MEGF10: variants seen among roughly 807,000 people sequenced by gnomAD.
MEGF10 encodes the protein multiple EGF like domains 10.
Under a neutral mutation model 147.5 loss-of-function variants are expected in MEGF10, and 86 were observed. The ratio of observed to expected loss-of-function variants is 0.58; its 90% CI spans 0.49 to 0.70. The LOEUF (loss-of-function observed/expected upper bound fraction) is 0.70, where lower values mean the gene tolerates loss of function less well. Ranked by LOEUF, MEGF10 falls within the 30% of genes least tolerant of loss-of-function variation. The probability of loss-of-function intolerance (pLI) is 0.00; values close to 1 mark genes in which losing one functional copy is unlikely to be tolerated. For missense variants in MEGF10, 1,329 were observed against 1,487.3 expected (o/e 0.89, Z 1.75); for synonymous variants, 478 against 525.5 (o/e 0.91, Z 1.24).
At chr5:127,433,885 C>A (rs897518806) in intron 14 of MEGF10, among the ~76,000 whole-genome samples, 2 of 152,184 alleles carry the variant, frequency 1.3e-5, no homozygotes, top group African/African-American at 4.8e-5. Context: ...AATTACCAGA[C>A]GTCAACATCA....
At chr5:127,238,464 T>C in the MEGF10 span, among the ~76,000 whole-genome samples, 1 of 152,206 alleles carries the variant, frequency 6.6e-6, no homozygotes, top group Non-Finnish European at 1.5e-5. Flanking sequence ...CATCATCTCA[T>C]TGACAGCTTG....
At chr5:127,425,111 G>A (rs1346235682) in intron 13 of MEGF10, among the ~76,000 whole-genome samples, 1 of 152,176 alleles carries the variant, frequency 6.6e-6, no homozygotes, top group East Asian at 1.9e-4. Context: ...GAACTATCCT[G>A]TGAAAGGCAC....
At chr5:127,416,337 A>C (rs574749722) in intron 9 of MEGF10, among the ~76,000 whole-genome samples, 1 of 152,100 alleles carries the variant, frequency 6.6e-6, no homozygotes, top group East Asian at 1.9e-4. Flanking sequence ...CCAAGGGCTC[A>C]GTTTTTGACA....
intron 5 of MEGF10, among the ~76,000 whole-genome samples, chr5:127,395,536 C>CT (rs35926205): frequency 0.019 from 1,224 of 65,632 alleles, 178 homozygotes; most frequent in African/African-American, 0.065. Context: ...TGACTGATAT[C>CT]TTTTTTTTTT....
At chr5:127,229,450 G>GCT in the MEGF10 span, 1 of 152,042 alleles carries the variant, frequency 6.6e-6, no homozygotes, top group African/African-American at 2.4e-5. Flanking sequence ...GGGTCACCTC[G>GCT]CCGGGTCGAG....
chr5:127,381,278 G>T (rs72788581), intron 5 of MEGF10, among the ~76,000 whole-genome samples: 17,148 of 152,176 alleles, frequency 0.11, 1,068 homozygotes, highest in Non-Finnish European at 0.15. Context: ...GTGATGAGTC[G>T]AATTTCATTA....
the MEGF10 span, among the ~76,000 whole-genome samples, chr5:127,269,980 C>A: frequency 1.3e-5 from 2 of 152,162 alleles, no homozygotes; most frequent in Non-Finnish European, 2.9e-5. Context: ...TCCAGCCAAA[C>A]TAAGCTTCAT....
intron 4 of MEGF10, among the ~76,000 whole-genome samples, chr5:127,368,470 T>C (rs1170380809): frequency 6.6e-6 from 1 of 152,176 alleles, no homozygotes; most frequent in African/African-American, 2.4e-5. Context: ...TTATAACAAA[T>C]GTATACTTTT....
chr5:127,262,277 TA>T, the MEGF10 span, among the ~76,000 whole-genome samples: 1 of 151,136 alleles, frequency 6.6e-6, no homozygotes, highest in Non-Finnish European at 1.5e-5. Context: ...CATTTTGAGT[TA>T]TTTTTTGTGT....
At chr5:127,441,463 G>T (rs1005952865) in intron 18 of MEGF10, among the ~76,000 whole-genome samples, 2 of 152,072 alleles carry the variant, frequency 1.3e-5, no homozygotes, top group Admixed American at 6.5e-5. Flanking sequence ...TATGCCGTTG[G>T]AATTACTCAT....
intron 1 of MEGF10, among the ~76,000 whole-genome samples, chr5:127,320,501 T>C (rs1297316898): frequency 2.0e-5 from 3 of 152,210 alleles, no homozygotes; most frequent in Admixed American, 6.5e-5. Context: ...ATTCAGCATG[T>C]GGCACTTTAT....
chr5:127,240,312 C>G, the MEGF10 span, among the ~76,000 whole-genome samples: 236 of 152,282 alleles, frequency 1.5e-3, no homozygotes, highest in African/African-American at 5.4e-3. Flanking sequence ...GGTAGCAGGT[C>G]CATTTCTCTG....
chr5:127,385,959 T>A (rs547812049), intron 5 of MEGF10, among the ~76,000 whole-genome samples: 9 of 152,198 alleles, frequency 5.9e-5, no homozygotes, highest in African/African-American at 2.2e-4. Context: ...TTTTAAAAAA[T>A]CATCTGGGCA....
At chr5:127,354,616 C>A (rs2126827132) in intron 4 of MEGF10, among the ~76,000 whole-genome samples, 1 of 152,280 alleles carries the variant, frequency 6.6e-6, no homozygotes, top group South Asian at 2.1e-4. Flanking sequence ...TATTTGACTG[C>A]ATAGTATCCT....
At chr5:127,248,240 T>C in the MEGF10 span, among the ~76,000 whole-genome samples, 1 of 152,056 alleles carries the variant, frequency 6.6e-6, no homozygotes, top group African/African-American at 2.4e-5. Flanking sequence ...GTGTAGTTGC[T>C]GGCCAGAACA....
chr5:127,387,227 T>C (rs1187309889), intron 5 of MEGF10, among the ~76,000 whole-genome samples: 2 of 152,214 alleles, frequency 1.3e-5, no homozygotes. Flanking sequence ...AGAGCACCTC[T>C]CCATTTAACA....
intron 1 of MEGF10, among the ~76,000 whole-genome samples, chr5:127,315,311 T>G (rs1183708376): frequency 1.3e-5 from 2 of 152,202 alleles, no homozygotes; most frequent in African/African-American, 4.8e-5. Context: ...ATACTTGGTG[T>G]GCATTTATGC....
At chr5:127,285,902 A>T (rs560571888), upstream of MEGF10, among the ~76,000 whole-genome samples, 1 of 152,270 alleles carries the variant, frequency 6.6e-6, no homozygotes, top group South Asian at 2.1e-4. Context: ...AAAGAGATGG[A>T]ATCCATGTAA....
chr5:127,416,580 T>C (rs924756455), intron 9 of MEGF10, among the ~76,000 whole-genome samples: 3 of 152,218 alleles, frequency 2.0e-5, no homozygotes, highest in Non-Finnish European at 2.9e-5. Flanking sequence ...GGCCCTTGCC[T>C]GTGAACACTA....
Sources: gnomAD v4.1 joint callset for allele counts (sites outside exome capture counted in the v4.1 genomes callset) on GRCh38, gnomAD v4.1.1 for gene constraint, MANE v1.5 for transcripts, NCBI Gene and HGNC (gene_info 2026-07-23, HGNC 2026-07-21) for gene names.